Variants in ANKS1B observed in about 807,000 individuals in gnomAD.
ANKS1B encodes ankyrin repeat and sterile alpha motif domain-containing protein 1B.
A neutral mutation model predicts 148.3 loss-of-function variants in ANKS1B; 36 were observed. That is an observed-to-expected ratio of 0.24 (90% CI 0.19 to 0.32). The LOEUF is 0.32. Among genes scored for constraint, ANKS1B ranks in the 10% least tolerant of loss-of-function variants. The pLI is 1.00. For missense variants in ANKS1B, 1,157 were observed against 1,542.6 expected, an observed-to-expected ratio of 0.75 and a Z score of 4.19; for synonymous variants, 542 against 560.8, an observed-to-expected ratio of 0.97 and a Z score of 0.47.
rs564146401 is a variant in ANKS1B, at chr12:99,659,617, T to C, written c.1129-4407A>G. ...TAACATTGAAGAAATGGGATTTCCC[T>C]GTGAGGCAGTGTGTGTTCGTGTGTG... On this transcript the variant is annotated intron_variant, in intron 8 of 26. Transcript: ENST00000683438. Among the ~76,000 whole-genome samples the C allele has an allele frequency of 2.8e-4, 43 of 152,042 alleles. 1 individual carries two copies. In the South Asian group the frequency reaches 8.8e-3, roughly 31 times the overall value.
intron 10 of ANKS1B, among the ~76,000 whole-genome samples, chr12:99,481,011 T>C (rs925341619): frequency 9.9e-5 from 15 of 151,684 alleles, no homozygotes; most frequent in African/African-American, 3.6e-4. Context: ...TTTTTTACTG[T>C]TAAGAGCAAA....
intron 9 of ANKS1B, among the ~76,000 whole-genome samples, chr12:99,586,518 C>T (rs1179293753): frequency 1.3e-5 from 2 of 152,218 alleles, no homozygotes; most frequent in Admixed American, 1.3e-4. Flanking sequence ...CCCACATTTT[C>T]CTGTCTTCTT....
intron 14 of ANKS1B, among the ~76,000 whole-genome samples, chr12:99,170,910 G>C (rs890704885): frequency 6.6e-6 from 1 of 152,120 alleles, no homozygotes; most frequent in Non-Finnish European, 1.5e-5. Context: ...ATTAGCAAAA[G>C]GGACAATTAG....
chr12:98,860,602 C>T (rs10777950), intron 17 of ANKS1B, among the ~76,000 whole-genome samples: 13,475 of 152,250 alleles, frequency 0.089, 979 homozygotes, highest in East Asian at 0.21. Context: ...TCACCTCCCA[C>T]GTATAAATGA....
At chr12:99,601,574 C>A (rs2097800458) in intron 9 of ANKS1B, among the ~76,000 whole-genome samples, 1 of 152,022 alleles carries the variant, frequency 6.6e-6, no homozygotes, top group Non-Finnish European at 1.5e-5. Flanking sequence ...GGTGTAAAAT[C>A]TTTCTTCACT....
chr12:99,182,899 C>G (rs1167621127), intron 14 of ANKS1B, among the ~76,000 whole-genome samples: 1 of 152,140 alleles, frequency 6.6e-6, no homozygotes, highest in African/African-American at 2.4e-5. Flanking sequence ...ATTTACATTT[C>G]TCTGATAATC....
At chr12:99,823,167 A>G (rs1279282595) in intron 2 of ANKS1B, among the ~76,000 whole-genome samples, 1 of 152,060 alleles carries the variant, frequency 6.6e-6, no homozygotes, top group Non-Finnish European at 1.5e-5. Flanking sequence ...AATTCTTTAA[A>G]TTCCTTATAG....
intron 8 of ANKS1B, among the ~76,000 whole-genome samples, chr12:99,682,178 C>T (rs2098623760): frequency 6.6e-6 from 1 of 152,120 alleles, no homozygotes; most frequent in Non-Finnish European, 1.5e-5. Context: ...TTCAATACTC[C>T]ACTGACAGCA....
chr12:99,648,462 C>T (rs1225288433), intron 9 of ANKS1B: 1 of 1,614,168 alleles, frequency 6.2e-7, no homozygotes, highest in Non-Finnish European at 8.5e-7. Flanking sequence ...CTGTCTGTGA[C>T]AATGCCAGGT....
chr12:98,915,564 G>GCTGATCTCGAACTC (rs1269778938), intron 17 of ANKS1B, among the ~76,000 whole-genome samples: 2 of 152,104 alleles, frequency 1.3e-5, no homozygotes, highest in African/African-American at 4.8e-5. Flanking sequence ...TGCTGGCCAG[G>GCTGATCTCGAACTC]CTGATCTCGA....
At chr12:99,452,777 G>C (rs2095767432) in intron 10 of ANKS1B, among the ~76,000 whole-genome samples, 1 of 152,130 alleles carries the variant, frequency 6.6e-6, no homozygotes, top group Non-Finnish European at 1.5e-5. Flanking sequence ...TTGTTAAAAA[G>C]TAACAATTCT....
chr12:99,885,978 T>TAC (rs1470027098), intron 1 of ANKS1B, among the ~76,000 whole-genome samples: 1 of 152,254 alleles, frequency 6.6e-6, no homozygotes, highest in Non-Finnish European at 1.5e-5. Flanking sequence ...GGTGTATATA[T>TAC]ACCACATTTT....
chr12:99,443,910 A>T, intron 10 of ANKS1B, 101 bp from the exon 11 acceptor site: 1 of 1,335,902 alleles, frequency 7.5e-7, no homozygotes, highest in Non-Finnish European at 1.0e-6. Context: ...CAACTTTTAA[A>T]ACTGGTATCA....
chr12:99,080,109 G>A (rs2049161091), intron 16 of ANKS1B: 1 of 152,236 alleles, frequency 6.6e-6, no homozygotes, highest in African/African-American at 2.4e-5. Context: ...ACAGGGCGAC[G>A]GATTTGAACT....
rs57273287 is a variant in ANKS1B at position 99,968,555 on chromosome 12, CTCAATCAATCAA to C, written c.134+15537_134+15548del. Among the ~76,000 whole-genome samples, 63 of 151,456 alleles carry C rather than the reference CTCAATCAATCAA, an allele frequency of 4.2e-4. 1 individual carries two copies. In the Middle Eastern group the frequency reaches 0.01, roughly 25 times the overall value. On this transcript the variant is annotated intron_variant, in intron 1 of 26. Transcript: ENST00000683438. ...CCTGGGCAAAAGACCGAGCCTCTGT[CTCAATCAATCAA>C]TCAATCAATCAATCAATCAATCAAT...
At chr12:99,691,995 A>AT (rs1165682974) in intron 8 of ANKS1B, among the ~76,000 whole-genome samples, 1 of 152,198 alleles carries the variant, frequency 6.6e-6, no homozygotes, top group Non-Finnish European at 1.5e-5. Context: ...GCATTTTAAG[A>AT]TAAAAAATGG....
At chr12:99,333,947 G>GT (rs1365409044) in intron 12 of ANKS1B, among the ~76,000 whole-genome samples, 2 of 149,078 alleles carry the variant, frequency 1.3e-5, no homozygotes, top group East Asian at 3.9e-4. Flanking sequence ...TGCCAGATTG[G>GT]TTTTTTGTAT....
chr12:99,631,051 G>A (rs1319826648), intron 9 of ANKS1B, among the ~76,000 whole-genome samples: 1 of 152,128 alleles, frequency 6.6e-6, no homozygotes, highest in Non-Finnish European at 1.5e-5. Context: ...CATGTCTCAT[G>A]TAAGACATGA....
chr12:99,023,894 G>T (rs1043216106), intron 17 of ANKS1B, among the ~76,000 whole-genome samples: 13 of 148,944 alleles, frequency 8.7e-5, no homozygotes, highest in African/African-American at 3.2e-4. Context: ...TATGCATATT[G>T]CCTGTGTATA....
Sources: allele counts gnomAD v4.1 joint callset (sites outside exome capture counted in the v4.1 genomes callset), GRCh38; gene constraint gnomAD v4.1.1; transcripts MANE v1.5; gene names NCBI Gene and HGNC (gene_info 2026-07-23, HGNC 2026-07-21).